NRXN3: variants seen among roughly 807,000 people sequenced by gnomAD.
NRXN3 encodes neurexin 3, also known as neurexin III.
A neutral mutation model predicts 137.6 loss-of-function variants in NRXN3; 32 were observed. The observed-to-expected ratio is 0.23, with a 90% confidence interval of 0.18 to 0.31. The LOEUF (loss-of-function observed/expected upper bound fraction) is 0.31, where lower values mean the gene tolerates loss of function less well. NRXN3 is among the 10% of genes least tolerant of loss of function. The pLI is 1.00. For synonymous variants in NRXN3, 798 were observed against 784.5 expected, an observed-to-expected ratio of 1.02 and a Z score of -0.29; for missense variants, 1,574 against 2,062.5, an observed-to-expected ratio of 0.76 and a Z score of 4.59.
chr14:78,674,158 G>A (rs2097970758), intron 6 of NRXN3, among the ~76,000 whole-genome samples: 1 of 152,162 alleles, frequency 6.6e-6, no homozygotes, highest in African/African-American at 2.4e-5. Context: ...TCAGGAATGA[G>A]GGCATTAGGG....
chr14:78,445,628 GT>G (rs933213902), intron 4 of NRXN3, among the ~76,000 whole-genome samples: 29 of 152,182 alleles, frequency 1.9e-4, no homozygotes, highest in Non-Finnish European at 3.4e-4. Flanking sequence ...CATTTACCAA[GT>G]TCTAGTGTCT....
intron 14 of NRXN3, among the ~76,000 whole-genome samples, chr14:78,981,909 C>T (rs1035102613): frequency 6.6e-6 from 1 of 152,098 alleles, no homozygotes; most frequent in African/African-American, 2.4e-5. Flanking sequence ...TGTACTTAAA[C>T]AGGTTGAAGT....
intron 10 of NRXN3, among the ~76,000 whole-genome samples, chr14:78,904,830 T>C (rs1567663157): frequency 1.3e-5 from 2 of 151,170 alleles, no homozygotes; most frequent in East Asian, 4.0e-4. Context: ...AGTTACTGAA[T>C]ATGAATGACC....
chr14:78,227,730 A>G (rs1283310605), intron 1 of NRXN3, among the ~76,000 whole-genome samples: 3 of 152,176 alleles, frequency 2.0e-5, no homozygotes, highest in East Asian at 1.9e-4. Flanking sequence ...TTAACTTACT[A>G]TGTTAAGTGC....
intron 15 of NRXN3, among the ~76,000 whole-genome samples, chr14:79,342,519 T>C (rs2092664360): frequency 6.6e-6 from 1 of 152,146 alleles, no homozygotes; most frequent in Non-Finnish European, 1.5e-5. Flanking sequence ...TTCCTTTGGC[T>C]TCCCAAGAAG....
At chr14:79,009,151 T>G (rs1014680442) in intron 15 of NRXN3, among the ~76,000 whole-genome samples, 8 of 152,192 alleles carry the variant, frequency 5.3e-5, no homozygotes, top group Non-Finnish European at 1.2e-4. Context: ...TATGAATGTT[T>G]TAAGTGCTTA....
intron 10 of NRXN3, among the ~76,000 whole-genome samples, chr14:78,817,359 G>GT (rs1484074845): frequency 6.6e-6 from 1 of 152,172 alleles, no homozygotes; most frequent in Non-Finnish European, 1.5e-5. Flanking sequence ...TTACAAATAA[G>GT]TGGTTTCCAA....
rs2096064429 is a variant in NRXN3 at position 78,509,580 on chromosome 14, T to A, written c.758-135540T>A. Among the ~76,000 whole-genome samples, 3 of 152,136 alleles carry A rather than the reference T, an allele frequency of 2.0e-5. No homozygotes were observed. The South Asian group carries it at 6.2e-4, about 32-fold the overall frequency. On this transcript the variant is annotated intron_variant, in intron 4 of 20. Coordinates refer to ENST00000335750, the MANE Select transcript of NRXN3 (RefSeq NM_001330195.2). ...CTTGGAAGTCAGGGAGAGGCTCCTG[T>A]AATTGACCTCTCTATTGACCACAGA...
chr14:79,642,094 A>G lies in NRXN3; in HGVS notation c.3445-21684A>G. The stretch of plus-strand genomic sequence containing the variant: ...TTTCATCACACAATATTGTGGACAA[A>G]TTAAAGCCTATTGATGACTTTATTA... On this transcript the variant is annotated intron_variant, in intron 16 of 20. Transcript: ENST00000335750. 1.5e-5 allele frequency among the ~76,000 whole-genome samples: 2 copies of G among 135,632 alleles called. 1 individual carries two copies. Among genetic ancestry groups the G allele is most frequent in the Non-Finnish European group, 3.4e-5 (2 of 58,348 alleles). The allele number at this position is 135,632 out of a possible 152,430, so 89.0% of individuals were successfully genotyped here.
chr14:79,151,139 G>T (rs1353263394), intron 15 of NRXN3, among the ~76,000 whole-genome samples: 1 of 151,958 alleles, frequency 6.6e-6, no homozygotes, highest in Non-Finnish European at 1.5e-5. Context: ...GGGCCTGATT[G>T]ATTGATGTTG....
chr14:79,080,681 C>T, intron 15 of NRXN3, among the ~76,000 whole-genome samples: 1 of 152,160 alleles, frequency 6.6e-6, no homozygotes, highest in East Asian at 1.9e-4. Flanking sequence ...TCCTCAATTC[C>T]TATATCCTAC....
intron 8 of NRXN3, among the ~76,000 whole-genome samples, chr14:78,718,939 A>G (rs1302387062): frequency 6.6e-6 from 1 of 152,224 alleles, no homozygotes; most frequent in Non-Finnish European, 1.5e-5. Flanking sequence ...GGACAGAGGA[A>G]ACAGTCTAGC....
intron 6 of NRXN3, among the ~76,000 whole-genome samples, chr14:78,671,924 G>C (rs1204557567): frequency 3.9e-5 from 6 of 152,318 alleles, no homozygotes; most frequent in African/African-American, 1.4e-4. Flanking sequence ...GTTCAATTCA[G>C]TTTAAGGCAT....
At chr14:79,715,266 T>G (rs1256002035) in intron 19 of NRXN3, among the ~76,000 whole-genome samples, 1 of 152,234 alleles carries the variant, frequency 6.6e-6, no homozygotes, top group Non-Finnish European at 1.5e-5. Flanking sequence ...TAAATCCTGT[T>G]GTGTCCTAAA....
chr14:78,243,345 C>T lies in NRXN3; in HGVS notation c.252C>T (p.Arg84=), dbSNP rs531244597. 1,280 of 1,560,028 alleles carry T rather than the reference C, an allele frequency of 8.2e-4. 6 individuals are homozygous for T. The highest frequency in any genetic ancestry group is 5.4e-3 in the South Asian group (459 of 85,754). ...TATGCCTCTCCCTGGTGGATGGCCG[C>T]GTTCAGCTCCGCTTCAGCATGGACT... ...DFLCLSLVDG[R]VQLRFSMDCA... The change falls in exon 2 of 21, where the codon CGC becomes CGT. Residue 84 remains arginine, a synonymous_variant. Coordinates refer to ENST00000335750, the MANE Select transcript of NRXN3 (RefSeq NM_001330195.2). The surrounding 1 kb of genome is among the most constrained non-coding windows in gnomAD (Gnocchi z 4.2).
In NRXN3 at chr14:78,243,558, C is replaced by T; in HGVS notation, c.465C>T (p.Asp155=). Residue 155 remains aspartate, a synonymous_variant, in exon 2 of 21, where the codon GAC becomes GAT. Coordinates refer to ENST00000335750, the MANE Select transcript of NRXN3 (RefSeq NM_001330195.2). This position sits in a 1 kb window ranked among gnomAD's most constrained non-coding sequence, Gnocchi z 4.2. ...SDLFLGGVPT[D]IRPSALTLDG... Reference sequence around the variant, plus strand: ...TGTTCCTTGGTGGAGTCCCTACTGACATACGACCTTCTGCCCTGACCCTTG... The same window carrying T: ...TGTTCCTTGGTGGAGTCCCTACTGATATACGACCTTCTGCCCTGACCCTTG... The T allele has an allele frequency of 6.3e-7, 1 of 1,598,268 alleles. No homozygotes were observed.
intron 16 of NRXN3, among the ~76,000 whole-genome samples, chr14:79,601,229 G>A (rs1448355313): frequency 6.6e-6 from 1 of 151,934 alleles, no homozygotes; most frequent in Non-Finnish European, 1.5e-5. Context: ...TTTTAGTAGA[G>A]ACGGGGTTTC....
Position 78,926,910 on chromosome 14 carries a change from A to T in NRXN3, c.2276-30332A>T, listed in dbSNP as rs868335753. 5.1e-4 allele frequency among the ~76,000 whole-genome samples: 16 copies of T among 31,246 alleles called. 5 individuals carry two copies. Among genetic ancestry groups the T allele is most frequent in the African/African-American group, 3.7e-3 (12 of 3,208 alleles). 20.5% of individuals were successfully genotyped at this position (31,246 alleles called of 152,430 possible). On this transcript the variant is annotated intron_variant, in intron 10 of 20. Transcript: ENST00000335750. ...TTTATATATATATATAATATATATA[A>T]TATATATATAATATATAATATATTT... is the stretch of plus-strand genomic sequence containing the variant.
intron 16 of NRXN3, among the ~76,000 whole-genome samples, chr14:79,551,230 TTCCCTC>T (rs1234251614): frequency 1.3e-5 from 2 of 152,228 alleles, no homozygotes; most frequent in African/African-American, 4.8e-5. Flanking sequence ...CTTCCTTTCT[TTCCCTC>T]TCATTCTTTC....
Sources: gnomAD v4.1 joint callset for allele counts (sites outside exome capture counted in the v4.1 genomes callset) on GRCh38, gnomAD v4.1.1 for gene constraint, Gnocchi (gnomAD v3.1) non-coding constraint, MANE v1.5 for transcripts, NCBI Gene and HGNC (gene_info 2026-07-23, HGNC 2026-07-21) for gene names.